ADAM22: variants seen among roughly 807,000 people sequenced by gnomAD.
ADAM22 encodes the protein ADAM metallopeptidase domain 22, also known as disintegrin and metalloproteinase domain-containing protein 22.
In ADAM22, 65 loss-of-function variants were observed where a neutral mutation model predicts 144.6. That is an observed-to-expected ratio of 0.45 (90% CI 0.37 to 0.55). The LOEUF (loss-of-function observed/expected upper bound fraction) is 0.55, where lower values mean the gene tolerates loss of function less well. Among genes scored for constraint, ADAM22 ranks in the 20% least tolerant of loss-of-function variants. The pLI is 0.00. For missense variants in ADAM22, 974 were observed against 1,184.9 expected (o/e 0.82, Z 2.61); for synonymous variants, 391 against 412.6 (o/e 0.95, Z 0.63).
chr7:88,010,291 A>G (rs1584996376), intron 3 of ADAM22, among the ~76,000 whole-genome samples: 1 of 152,174 alleles, frequency 6.6e-6, no homozygotes, highest in East Asian at 1.9e-4. Context: ...ATGGTTGTTT[A>G]TGAATTTGCT....
chr7:88,090,060 T>A (rs1819460928), intron 4 of ADAM22: 1 of 152,250 alleles, frequency 6.6e-6, no homozygotes, highest in African/African-American at 2.4e-5. Flanking sequence ...ATAGATTCTT[T>A]AACAGTGTGT....
chr7:88,172,150 A>G (rs1229741341), intron 26 of ADAM22, among the ~76,000 whole-genome samples: 2 of 151,878 alleles, frequency 1.3e-5, no homozygotes, highest in East Asian at 3.9e-4. Context: ...AAAAATGCCT[A>G]TATTCTTGAG....
intron 3 of ADAM22, among the ~76,000 whole-genome samples, chr7:87,979,495 T>A (rs1180554595): frequency 1.3e-5 from 2 of 152,222 alleles, no homozygotes; most frequent in Non-Finnish European, 2.9e-5. Context: ...ATAATACTTA[T>A]CACCATTTAA....
intron 14 of ADAM22, among the ~76,000 whole-genome samples, chr7:88,138,895 G>A (rs1833786467): frequency 6.6e-6 from 1 of 152,206 alleles, no homozygotes; most frequent in African/African-American, 2.4e-5. Flanking sequence ...CTTCCCTGTT[G>A]GGGAGTTTAC....
At chr7:88,106,993 G>C (rs754900773) in intron 4 of ADAM22, among the ~76,000 whole-genome samples, 1 of 151,844 alleles carries the variant, frequency 6.6e-6, no homozygotes, top group Admixed American at 6.6e-5. Context: ...TTAAAACCCC[G>C]CCCATAAACT....
At chr7:87,953,824 T>C (rs1245712277) in intron 2 of ADAM22, among the ~76,000 whole-genome samples, 1 of 152,206 alleles carries the variant, frequency 6.6e-6, no homozygotes, top group East Asian at 1.9e-4. Context: ...ATCTGGGTGC[T>C]CCTGTTTTGG....
In ADAM22 at chr7:88,178,192, T is replaced by C. The variant is rs547100122; in HGVS notation, c.2301-743T>C. On this transcript the variant is annotated intron_variant, in intron 26 of 31. Transcript: ENST00000413139. ...TACATTTTCACTTGGGCACTCCTAC[T>C]ACAGTAGAGAGAGAGAACTAAGGTC... Among the ~76,000 whole-genome samples, 3 of 152,262 alleles carry C rather than the reference T, an allele frequency of 2.0e-5. No individual in the cohort carries two copies. In the South Asian group the frequency reaches 6.2e-4, roughly 32 times the overall value.
chr7:88,166,003 C>A, intron 24 of ADAM22, 57 bp downstream of exon 24: 1 of 1,272,522 alleles, frequency 7.9e-7, no homozygotes, highest in Non-Finnish European at 1.1e-6. Flanking sequence ...GAAAGCTGCT[C>A]TCTGAAAACT....
intron 3 of ADAM22, among the ~76,000 whole-genome samples, chr7:88,045,703 A>T (rs1444784970): frequency 6.6e-6 from 1 of 152,076 alleles, no homozygotes; most frequent in Non-Finnish European, 1.5e-5. Context: ...CTTCCTCCAG[A>T]GTCTGGCACC....
At position 87,934,450 on chromosome 7, in the gene ADAM22, G is replaced by A. The variant is rs1209325150; in HGVS notation, c.-16G>A. 6.3e-7 allele frequency: 1 copy of A among 1,581,562 alleles called. No individual in the cohort carries two copies. Among genetic ancestry groups the A allele is most frequent in the Non-Finnish European group, 8.6e-7 (1 of 1,168,988 alleles). On this transcript the variant is annotated 5_prime_UTR_variant, in exon 1 of 32. Transcript: ENST00000413139. ...GGAGCTGAGCGTCTCGGGCGAGGCG[G>A]GCTGACGGCAGCACCATGCAGGCGG...
intron 3 of ADAM22, among the ~76,000 whole-genome samples, chr7:88,066,948 G>A (rs543223338): frequency 3.3e-5 from 5 of 152,126 alleles, no homozygotes; most frequent in Non-Finnish European, 5.9e-5. Flanking sequence ...TTGGTGAAGC[G>A]GTGTGGTGAA....
Position 88,143,110 on chromosome 7 carries a change from C to T in ADAM22, c.1305C>T (p.Phe435=). ...FLNSGGGACL[F]NKPSKLLDPP... The stretch of plus-strand genomic sequence containing the variant: ...ATAGTGGAGGTGGTGCCTGCCTTTT[C>T]AACAAACCTTCTAAGGTAATAAGTG... Residue 435 remains phenylalanine (F), a synonymous_variant, in exon 15 of 32, where the codon TTC becomes TTT. Transcript: ENST00000413139. The T allele has an allele frequency of 6.2e-7, 1 of 1,608,114 alleles. No homozygotes were observed. Among genetic ancestry groups the T allele is most frequent in the Non-Finnish European group, 8.5e-7 (1 of 1,175,108 alleles).
chr7:88,145,313 A>G (rs950823766), intron 16 of ADAM22, 102 bp from the exon 17 acceptor site: 2 of 1,492,518 alleles, frequency 1.3e-6, no homozygotes, highest in African/African-American at 2.8e-5. Context: ...TTTGTGGAAG[A>G]AAAATTATTG....
chr7:88,159,328 C>T (rs919575655), intron 22 of ADAM22, among the ~76,000 whole-genome samples: 16 of 152,120 alleles, frequency 1.1e-4, no homozygotes, highest in Admixed American at 2.6e-4. Context: ...ACCAGATGTA[C>T]GAAGAAGAGC....
At chr7:88,090,319 A>G (rs1201762840) in intron 4 of ADAM22, among the ~76,000 whole-genome samples, 2 of 152,188 alleles carry the variant, frequency 1.3e-5, no homozygotes, top group Non-Finnish European at 2.9e-5. Flanking sequence ...GGTACCTCAC[A>G]TAGGTTCTCT....
Position 88,092,416 on chromosome 7 carries a change from C to G in ADAM22, c.391-15760C>G, listed in dbSNP as rs1424129067. Among the ~76,000 whole-genome samples the G allele has an allele frequency of 3.9e-5, 6 of 152,132 alleles. No individual in the cohort carries two copies. In the East Asian group the frequency reaches 1.2e-3, roughly 29 times the overall value. On this transcript the variant is annotated intron_variant, in intron 4 of 31. Coordinates refer to ENST00000413139, the MANE Select transcript of ADAM22 (RefSeq NM_001324418.2). ...TCCTCACATGTAATATCAGTTATTC[C>G]AGATATGTTTCCTAACTTTACATGT... is the stretch of plus-strand genomic sequence containing the variant.
At chr7:88,075,920 A>G (rs1024474415) in intron 4 of ADAM22, among the ~76,000 whole-genome samples, 56 of 152,328 alleles carry the variant, frequency 3.7e-4, no homozygotes, top group African/African-American at 1.3e-3. Context: ...AATGTTTTGT[A>G]GGATTGCTAT....
chr7:88,131,449 G>C lies in ADAM22; in HGVS notation c.992+14G>C, dbSNP rs143461082. ...TCACCTTTTTTCGTACGTAACTTCT[G>C]TAATGATGTATTACTTTTTTTGATT... On this transcript the variant is annotated intron_variant, in intron 11 of 31. Coordinates refer to ENST00000413139, the MANE Select transcript of ADAM22 (RefSeq NM_001324418.2). 771 of 1,611,798 alleles carry C rather than the reference G, an allele frequency of 4.8e-4. 2 individuals carry two copies. The African/African-American group carries it at 8.9e-3, about 19-fold the overall frequency.
intron 3 of ADAM22, among the ~76,000 whole-genome samples, chr7:88,053,009 G>T (rs575093075): frequency 9.2e-5 from 14 of 152,230 alleles, no homozygotes; most frequent in African/African-American, 2.4e-4. Flanking sequence ...TATAGGTACA[G>T]AATTTTAAAA....
Sources: gnomAD v4.1 joint callset for allele counts (sites outside exome capture counted in the v4.1 genomes callset) on GRCh38, gnomAD v4.1.1 for gene constraint, MANE v1.5 for transcripts, NCBI Gene and HGNC (gene_info 2026-07-23, HGNC 2026-07-21) for gene names.